GATA3: variants seen among roughly 807,000 people sequenced by gnomAD.
The protein encoded by GATA3 is GATA binding protein 3.
A neutral mutation model predicts 36.0 loss-of-function variants in GATA3; 6 were observed. That is an observed-to-expected ratio of 0.17 (90% confidence interval 0.09 to 0.33). The LOEUF (loss-of-function observed/expected upper bound fraction) is 0.33, where lower values mean the gene tolerates loss of function less well. Ranked by LOEUF, GATA3 falls within the 10% of genes least tolerant of loss-of-function variation. The pLI, the probability that GATA3 is intolerant of heterozygous loss-of-function variation, is 1.00. For missense variants in GATA3, 514 were observed against 610.1 expected (o/e 0.84, Z 1.66); for synonymous variants, 326 against 273.0 (o/e 1.19, Z -1.92).
chr10:8,058,788 G>T lies in GATA3; in HGVS notation c.725G>T (p.Gly242Val), dbSNP rs1394845274. The change falls in exon 3 of 6, where the codon GGC becomes GTC. Residue 242 changes from glycine to valine, a missense_variant. Gly to Val is a moderately radical substitution (Grantham distance 109, BLOSUM62 -3). Coordinates refer to ENST00000379328, the MANE Select transcript of GATA3 (RefSeq NM_001002295.2). ...GLFPPSSLLG[G>V]SPTGFGCKSR... Reference sequence around the variant, plus strand: ...TTCCCCCCCAGCAGCCTGCTGGGCGGCTCCCCCACCGGCTTCGGATGCAAG... The same window carrying T: ...TTCCCCCCCAGCAGCCTGCTGGGCGTCTCCCCCACCGGCTTCGGATGCAAG... 2 of 1,608,900 alleles carry T rather than the reference G, an allele frequency of 1.2e-6. No individual in the cohort carries two copies. Among genetic ancestry groups the T allele is most frequent in the Admixed American group, 3.3e-5 (2 of 59,994 alleles).
Position 8,054,904 on chromosome 10 carries a change from G to GA in GATA3, c.-370+14dup, listed in dbSNP as rs1204196294. On this transcript the variant is annotated intron_variant, in intron 1 of 5. Transcript: ENST00000379328. This position sits in a 1 kb window ranked among gnomAD's most constrained non-coding sequence, Gnocchi z 4.2. ...CTTCGCTACCCAGGTTGGTACTGGT[G>GA]ACTTTTTTTTTTTTTAAGTTTGATT... The GA allele has an allele frequency of 7.1e-6, 1 of 140,354 alleles. No individual in the cohort carries two copies. Among genetic ancestry groups the GA allele is most frequent in the East Asian group, 1.8e-4 (1 of 5,476 alleles). The allele number at this position is 140,354 out of a possible 1,614,324, so 8.7% of individuals were successfully genotyped here. A position where few individuals can be genotyped will look rare whatever the true frequency, so the allele number is the denominator to read the frequency against.
chr10:8,072,552 A>G, intron 5 of GATA3, among the ~76,000 whole-genome samples: 1 of 152,208 alleles, frequency 6.6e-6, no homozygotes, highest in South Asian at 2.1e-4. Context: ...TGGGCCCCCA[A>G]AGCAAATGTA....
At chr10:8,050,297 G>A (rs1048673989), upstream of GATA3, among the ~76,000 whole-genome samples, 4 of 152,178 alleles carry the variant, frequency 2.6e-5, no homozygotes, top group Non-Finnish European at 5.9e-5. Flanking sequence ...CCAATTAAAG[G>A]CCCCGCCGGG....
chr10:8,052,507 G>C (rs933495864), upstream of GATA3: 11 of 152,214 alleles, frequency 7.2e-5, no homozygotes, highest in African/African-American at 2.7e-4. Flanking sequence ...CTTCGGCTCT[G>C]AGGTCTCCGC....
upstream of GATA3, chr10:8,051,272 A>AC (rs2131469892): frequency 3.1e-6 from 1 of 322,216 alleles, no homozygotes; most frequent in Non-Finnish European, 6.6e-6. Context: ...GGACACACAT[A>AC]CCCCGCTCAA....
intron 3 of GATA3, among the ~76,000 whole-genome samples, chr10:8,060,809 G>A (rs1474685262): frequency 6.6e-6 from 1 of 152,186 alleles, no homozygotes; most frequent in Non-Finnish European, 1.5e-5. Context: ...CTAAGCCAGA[G>A]CTAGGAATAC....
intron 5 of GATA3, among the ~76,000 whole-genome samples, chr10:8,071,741 T>A (rs1010111209): frequency 6.6e-6 from 1 of 152,206 alleles, no homozygotes; most frequent in African/African-American, 2.4e-5. Context: ...ATTAACATTG[T>A]CATCACGTTG....
At chr10:8,069,369 A>C in intron 4 of GATA3, 104 bp from the exon 5 acceptor site, 9 of 1,175,444 alleles carry the variant, frequency 7.7e-6, no homozygotes, top group Non-Finnish European at 1.0e-5. Flanking sequence ...TTTCAATGAT[A>C]ATTTCTTCCT....
chr10:8,073,664 T>C, intron 5 of GATA3, 75 bp from the exon 6 acceptor site: 4 of 1,487,684 alleles, frequency 2.7e-6, no homozygotes, highest in Admixed American at 2.1e-5. Context: ...GAACCCTTCT[T>C]GGTGTGCGAG....
chr10:8,053,726 G>C (rs999776542), upstream of GATA3: 1 of 152,366 alleles, frequency 6.6e-6, no homozygotes, highest in Non-Finnish European at 1.5e-5. This position sits in a 1 kb window ranked among gnomAD's most constrained non-coding sequence, Gnocchi z 5.1. Flanking sequence ...GTTGGGGTCG[G>C]TGCAGACCGA....
upstream of GATA3, chr10:8,051,341 CT>C (rs1832487731): frequency 4.1e-6 from 1 of 246,760 alleles, no homozygotes; most frequent in African/African-American, 2.4e-5. Flanking sequence ...AAGCCGGCTG[CT>C]GCCGACCCGC....
chr10:8,075,094 G>A lies in GATA3; in HGVS notation c.*1071G>A. The A allele has an allele frequency of 4.3e-6, 1 of 233,118 alleles. No homozygotes were observed. Among genetic ancestry groups the A allele is most frequent in the South Asian group, 1.8e-4 (1 of 5,532 alleles). 14.4% of individuals were successfully genotyped at this position (233,118 alleles called of 1,614,324 possible). A position where few individuals can be genotyped will look rare whatever the true frequency, so the allele number is the denominator to read the frequency against. ...GCCACGTCCTGCAATCGGCCCGGCT[G>A]CCTCTTCGCCCTGTCGTGTTCTGTG... On this transcript the variant is annotated 3_prime_UTR_variant, in exon 6 of 6. Transcript: ENST00000379328.
intron 3 of GATA3, among the ~76,000 whole-genome samples, chr10:8,060,122 C>G (rs995729560): frequency 6.6e-6 from 1 of 152,230 alleles, no homozygotes; most frequent in Non-Finnish European, 1.5e-5. Flanking sequence ...GGGTGACATT[C>G]ACTCCGACTG....
chr10:8,046,791 C>A (rs913469149), intron 1 of GATA3, among the ~76,000 whole-genome samples: 1 of 151,960 alleles, frequency 6.6e-6, no homozygotes, highest in Non-Finnish European at 1.5e-5. Flanking sequence ...CAGACCAAGA[C>A]CCCATTGGGT....
At chr10:8,050,737 G>T, upstream of GATA3, 1 of 274,444 alleles carries the variant, frequency 3.6e-6, no homozygotes, top group Non-Finnish European at 7.5e-6. Flanking sequence ...GCAAATATTT[G>T]CTGCCTCGCT....
upstream of GATA3, among the ~76,000 whole-genome samples, chr10:8,049,930 A>G (rs549672908): frequency 1.3e-3 from 198 of 152,238 alleles, no homozygotes; most frequent in African/African-American, 4.2e-3. Context: ...TCCTTTGAAC[A>G]GGCGCTGGGG....
chr10:8,047,618 T>G (rs1041860230), intron 1 of GATA3, among the ~76,000 whole-genome samples: 1 of 152,064 alleles, frequency 6.6e-6, no homozygotes, highest in Non-Finnish European at 1.5e-5. Context: ...GGTGCAGAGG[T>G]GGGTGCGGCA....
chr10:8,057,927 T>C (rs1832668282), intron 2 of GATA3, among the ~76,000 whole-genome samples: 2 of 152,262 alleles, frequency 1.3e-5, no homozygotes, highest in African/African-American at 4.8e-5. Flanking sequence ...AGGAAACCCA[T>C]AAATCAAGTC....
At chr10:8,052,980 A>G (rs1376492213), upstream of GATA3, 2 of 152,098 alleles carry the variant, frequency 1.3e-5, no homozygotes, top group Admixed American at 1.3e-4. Context: ...ATTTCAAACA[A>G]ACATCAGATT....
Sources: gnomAD v4.1 joint callset for allele counts (sites outside exome capture counted in the v4.1 genomes callset) on GRCh38, gnomAD v4.1.1 for gene constraint, Gnocchi (gnomAD v3.1) non-coding constraint, MANE v1.5 for transcripts, NCBI Gene and HGNC (gene_info 2026-07-23, HGNC 2026-07-21) for gene names.